Variants in CKM observed in about 807,000 individuals in gnomAD.
CKM encodes creatine kinase M-type.
In CKM, 28 loss-of-function variants were observed where a neutral mutation model predicts 35.4. The observed-to-expected ratio is 0.79, with a 90% confidence interval of 0.59 to 1.08. The LOEUF (loss-of-function observed/expected upper bound fraction) is 1.08, where lower values mean the gene tolerates loss of function less well. Ranked by LOEUF, CKM falls within the 50% of genes least tolerant of loss-of-function variation. The pLI is 0.00. For synonymous variants in CKM, 215 were observed against 204.4 expected (o/e 1.05, Z -0.44); for missense variants, 484 against 509.8 (o/e 0.95, Z 0.49).
Position 45,307,606 on chromosome 19 carries a change from G to A in CKM, c.822C>T (p.Asn274=). 2.0e-5 allele frequency: 32 copies of A among 1,614,132 alleles called. No homozygotes were observed. The highest frequency in any genetic ancestry group is 2.7e-5 in the Non-Finnish European group (32 of 1,180,020). ...FKKAGHPFMW[N]QHLGYVLTCP... is the part of the protein sequence containing the mutation. ...AGGTGAGCACGTAGCCCAGGTGCTG[G>A]TTCCACATGAAGGGGTGGCCAGCTT... The change falls in exon 7 of 8, where the codon AAC becomes AAT. Residue 274 remains asparagine, a synonymous_variant. Transcript: ENST00000221476.
At position 45,311,834 on chromosome 19, in the gene CKM, C is replaced by T; in HGVS notation, c.568G>A (p.Asp190Asn). 1.2e-6 allele frequency: 2 copies of T among 1,613,470 alleles called. No homozygotes were observed. The highest frequency in any genetic ancestry group is 2.2e-5 in the South Asian group (2 of 90,854). ...ACGGGCTTGTCGAACAGGAAGTGGT[C>T]ATCGATGAGCTGCTGCTGCTCCTTC... Reference protein sequence around the residue: ...TEKEQQQLIDDHFLFDKPVSP... With the variant: ...TEKEQQQLIDNHFLFDKPVSP... The change falls in exon 5 of 8, where the codon GAC (aspartate) becomes AAC (asparagine). Residue 190 changes from aspartate to asparagine, a missense_variant. Transcript: ENST00000221476.
chr19:45,322,748 C>G (rs1052760337), intron 1 of CKM, 73 bp downstream of exon 1: 8 of 933,252 alleles, frequency 8.6e-6, no homozygotes, highest in Non-Finnish European at 1.0e-5. Flanking sequence ...AGACCCTTTC[C>G]CAAGCCAAGC....
At chr19:45,313,772 C>T (rs1454911226) in intron 4 of CKM, among the ~76,000 whole-genome samples, 1 of 152,102 alleles carries the variant, frequency 6.6e-6, no homozygotes, top group Non-Finnish European at 1.5e-5. Context: ...GCTTGAACCA[C>T]GAGGTGGAGG....
intron 1 of CKM, among the ~76,000 whole-genome samples, chr19:45,320,627 C>A (rs113482117): frequency 0.012 from 1,826 of 152,252 alleles, 47 homozygotes; most frequent in African/African-American, 0.041. Flanking sequence ...GGGCCCCTCC[C>A]GGAGGCTGGA....
At chr19:45,319,845 C>A in intron 1 of CKM, 114 bp from the exon 2 acceptor site, 1 of 819,810 alleles carries the variant, frequency 1.2e-6, no homozygotes, top group African/African-American at 1.7e-5. Flanking sequence ...GGCTGGAGTG[C>A]AGTGGCACGA....
intron 5 of CKM, among the ~76,000 whole-genome samples, chr19:45,309,186 C>A (rs1268508194): frequency 6.0e-5 from 9 of 149,102 alleles, no homozygotes; most frequent in African/African-American, 2.2e-4. Context: ...CGAGATCGCG[C>A]CACTGCACTC....
At position 45,306,468 on chromosome 19, in the gene CKM, G is replaced by A. The variant is rs1178382612; in HGVS notation, c.*282C>T. ...TGCGTGGAGACAAAGCACAAGCTCC[G>A]AGTGTGCTGGGAGCTCTCCATTAAC... On this transcript the variant is annotated 3_prime_UTR_variant, in exon 8 of 8. Transcript: ENST00000221476. The surrounding 1 kb of genome is among the most constrained non-coding windows in gnomAD (Gnocchi z 4.5). 3 of 508,448 alleles carry A rather than the reference G, an allele frequency of 5.9e-6. No homozygotes were observed. The highest frequency in any genetic ancestry group is 1.1e-5 in the Non-Finnish European group (3 of 278,918). 31.5% of individuals were successfully genotyped at this position (508,448 alleles called of 1,614,324 possible).
chr19:45,310,032 A>C (rs533162343), intron 5 of CKM, among the ~76,000 whole-genome samples: 1 of 152,282 alleles, frequency 6.6e-6, no homozygotes, highest in African/African-American at 2.4e-5. Context: ...CAAAGAGTCA[A>C]AACAAGTCTA....
At chr19:45,319,449 G>A (rs1971190798) in intron 2 of CKM, 72 bp downstream of exon 2, 2 of 1,241,372 alleles carry the variant, frequency 1.6e-6, no homozygotes, top group African/African-American at 3.0e-5. Flanking sequence ...CAAGGGTGGT[G>A]GGATTGGGGC....
chr19:45,320,549 C>T (rs191784700), intron 1 of CKM, among the ~76,000 whole-genome samples: 22 of 152,302 alleles, frequency 1.4e-4, no homozygotes, highest in East Asian at 1.9e-4. Context: ...CTGGCTCTGC[C>T]GTATCCCAGT....
At chr19:45,312,014 C>T in intron 4 of CKM, 94 bp from the exon 5 acceptor site, 1 of 1,454,708 alleles carries the variant, frequency 6.9e-7, no homozygotes, top group Non-Finnish European at 9.5e-7. Flanking sequence ...TCCTAACGGG[C>T]CTGGGCCTTG....
At chr19:45,322,710 G>T in intron 1 of CKM, 111 bp downstream of exon 1, 1 of 599,012 alleles carries the variant, frequency 1.7e-6, no homozygotes, top group Non-Finnish European at 2.1e-6. Flanking sequence ...TGTATAGGAG[G>T]ATGTTGGTGG....
At chr19:45,310,759 C>G (rs1211988978) in intron 5 of CKM, among the ~76,000 whole-genome samples, 1 of 50,284 alleles carries the variant, frequency 2.0e-5, no homozygotes, top group African/African-American at 9.0e-5. Flanking sequence ...TCACGCCTGG[C>G]TTTTTTTTTT....
intron 4 of CKM, 89 bp downstream of exon 4, chr19:45,315,376 G>A (rs550833281): frequency 8.3e-6 from 12 of 1,446,380 alleles, no homozygotes; most frequent in South Asian, 6.0e-5. Context: ...TTTGAAAAGC[G>A]GGGGCCCAAA....
chr19:45,309,399 T>TA (rs771201585), intron 5 of CKM, among the ~76,000 whole-genome samples: 1 of 148,654 alleles, frequency 6.7e-6, no homozygotes, highest in East Asian at 2.0e-4. Context: ...CTACAAAATT[T>TA]AAAAAATTAG....
intron 4 of CKM, among the ~76,000 whole-genome samples, chr19:45,312,524 G>A (rs1197747704): frequency 2.6e-5 from 4 of 151,922 alleles, no homozygotes; most frequent in African/African-American, 9.7e-5. Context: ...CCGGGTTCAA[G>A]CGAATCTCTT....
Position 45,306,448 on chromosome 19 carries a change from G to C in CKM, c.*302C>G. 1 of 472,796 alleles carries C rather than the reference G, an allele frequency of 2.1e-6. No homozygotes were observed. The highest frequency in any genetic ancestry group is 3.9e-6 in the Non-Finnish European group (1 of 256,834). 29.3% of individuals were successfully genotyped at this position (472,796 alleles called of 1,614,324 possible). ...AATGCTTTTATTTATCGCTTTGCGT[G>C]GAGACAAAGCACAAGCTCCGAGTGT... On this transcript the variant is annotated 3_prime_UTR_variant, in exon 8 of 8. Transcript: ENST00000221476. This position sits in a 1 kb window ranked among gnomAD's most constrained non-coding sequence, Gnocchi z 4.5.
chr19:45,309,566 A>AG (rs1971088179), intron 5 of CKM, among the ~76,000 whole-genome samples: 1 of 149,332 alleles, frequency 6.7e-6, no homozygotes, highest in Admixed American at 6.7e-5. Flanking sequence ...AAAAAAAAAA[A>AG]AAAAAAAACC....
At chr19:45,308,961 C>T (rs1371030810) in intron 5 of CKM, among the ~76,000 whole-genome samples, 1 of 152,138 alleles carries the variant, frequency 6.6e-6, no homozygotes, top group Non-Finnish European at 1.5e-5. Context: ...GGTGCGGTGG[C>T]TCACGCCTGT....
Sources: gnomAD v4.1 joint callset for allele counts (sites outside exome capture counted in the v4.1 genomes callset) on GRCh38, gnomAD v4.1.1 for gene constraint, Gnocchi (gnomAD v3.1) non-coding constraint, MANE v1.5 for transcripts, NCBI Gene and HGNC (gene_info 2026-07-23, HGNC 2026-07-21) for gene names.